ADAMTS17: variants seen among roughly 807,000 people sequenced by gnomAD.
The protein encoded by ADAMTS17 is A disintegrin and metalloproteinase with thrombospondin motifs 17.
Under a neutral mutation model 141.5 loss-of-function variants are expected in ADAMTS17, and 113 were observed. The ratio of observed to expected loss-of-function variants is 0.80; its 90% CI spans 0.69 to 0.93. The LOEUF is 0.93. ADAMTS17 is among the 40% of genes least tolerant of loss of function. The probability of loss-of-function intolerance (pLI) is 0.00; values close to 1 mark genes in which losing one functional copy is unlikely to be tolerated. For synonymous variants in ADAMTS17, 768 were observed against 630.6 expected (o/e 1.22, Z -3.27); for missense variants, 1,659 against 1,517.9 (o/e 1.09, Z -1.54).
chr15:100,102,938 G>T (rs921414445), intron 14 of ADAMTS17, among the ~76,000 whole-genome samples: 1 of 152,260 alleles, frequency 6.6e-6, no homozygotes, highest in African/African-American at 2.4e-5. Flanking sequence ...CTCTCGGTTT[G>T]GGCTGTCTTT....
At chr15:100,079,678 C>G (rs10152483) in intron 15 of ADAMTS17, among the ~76,000 whole-genome samples, 23,721 of 152,100 alleles carry the variant, frequency 0.16, 3,592 homozygotes, top group African/African-American at 0.4. Context: ...ATCATGGAAA[C>G]GGCAGTGGTT....
At chr15:100,198,990 A>G (rs1181848838) in intron 8 of ADAMTS17, among the ~76,000 whole-genome samples, 1 of 152,260 alleles carries the variant, frequency 6.6e-6, no homozygotes, top group Non-Finnish European at 1.5e-5. Flanking sequence ...TGAATAATAG[A>G]CTTAGAGTGA....
chr15:100,289,032 A>G (rs1369861206), intron 3 of ADAMTS17, among the ~76,000 whole-genome samples: 4 of 152,142 alleles, frequency 2.6e-5, no homozygotes, highest in African/African-American at 7.2e-5. Context: ...TTGAGACATG[A>G]AAAACAAAAG....
At chr15:100,152,975 A>AAAAGAATACGTGCCTGGG (rs200941441) in intron 9 of ADAMTS17, among the ~76,000 whole-genome samples, 1 of 151,258 alleles carries the variant, frequency 6.6e-6, no homozygotes, top group Non-Finnish European at 1.5e-5. Flanking sequence ...TTCGCTCTGA[A>AAAAGAATACGTGCCTGGG]GGTAGTAAGA....
intron 2 of ADAMTS17, among the ~76,000 whole-genome samples, chr15:100,338,848 G>A (rs563239605): frequency 6.6e-6 from 1 of 152,282 alleles, no homozygotes; most frequent in South Asian, 2.1e-4. Context: ...CCTGAACTGA[G>A]AACCAAAGTC....
At chr15:100,133,168 A>C (rs1567229427) in intron 11 of ADAMTS17, 46 bp downstream of exon 11, 2 of 1,520,572 alleles carry the variant, frequency 1.3e-6, no homozygotes, top group Non-Finnish European at 1.8e-6. Context: ...AGTTGCCTGC[A>C]AGATGTGGAG....
intron 20 of ADAMTS17, among the ~76,000 whole-genome samples, chr15:99,977,713 G>C (rs555315279): frequency 3.3e-5 from 5 of 152,002 alleles, no homozygotes; most frequent in African/African-American, 1.2e-4. Context: ...ACCGTGCCTG[G>C]TGTCTCTTCA....
chr15:100,267,464 G>A (rs1422792632), intron 4 of ADAMTS17, among the ~76,000 whole-genome samples: 1 of 152,070 alleles, frequency 6.6e-6, no homozygotes, highest in Non-Finnish European at 1.5e-5. Context: ...CCTCTTCCAG[G>A]CTCTGCTTTT....
intron 18 of ADAMTS17, among the ~76,000 whole-genome samples, chr15:100,019,832 A>C (rs2141439174): frequency 6.6e-6 from 1 of 152,314 alleles, no homozygotes; most frequent in East Asian, 1.9e-4. Context: ...CCTAAGCTCC[A>C]ACAGCCAGAT....
At chr15:100,067,491 C>A (rs892135195) in intron 15 of ADAMTS17, among the ~76,000 whole-genome samples, 23 of 152,204 alleles carry the variant, frequency 1.5e-4, no homozygotes, top group Non-Finnish European at 2.9e-4. Flanking sequence ...CCTTTAACGT[C>A]TAAGAACTAT....
chr15:99,998,152 C>T (rs896686336), intron 18 of ADAMTS17, among the ~76,000 whole-genome samples: 1 of 152,186 alleles, frequency 6.6e-6, no homozygotes, highest in Admixed American at 6.5e-5. Flanking sequence ...AAGAACCCCC[C>T]AGCCCACACC....
chr15:100,206,179 G>A (rs1292644882), intron 7 of ADAMTS17, among the ~76,000 whole-genome samples: 4 of 152,190 alleles, frequency 2.6e-5, no homozygotes, highest in East Asian at 1.9e-4. Context: ...AGACCTCTGG[G>A]CCTCTGCATG....
chr15:100,051,203 C>T (rs554650462), intron 17 of ADAMTS17, among the ~76,000 whole-genome samples: 9 of 152,190 alleles, frequency 5.9e-5, no homozygotes, highest in East Asian at 5.8e-4. Flanking sequence ...AATTTGGGAG[C>T]GGGCAGAGAC....
chr15:100,104,954 C>T (rs1429547089), intron 14 of ADAMTS17, among the ~76,000 whole-genome samples: 2 of 152,214 alleles, frequency 1.3e-5, no homozygotes, highest in Admixed American at 1.3e-4. Flanking sequence ...TCATTAACTA[C>T]GACTAACAAT....
At chr15:100,090,932 C>T (rs543544634) in intron 15 of ADAMTS17, among the ~76,000 whole-genome samples, 5 of 145,436 alleles carry the variant, frequency 3.4e-5, no homozygotes, top group East Asian at 2.2e-4. Context: ...AGCTTGAACC[C>T]GGGAGGCGGA....
chr15:100,130,350 T>G (rs1596510473), intron 12 of ADAMTS17, among the ~76,000 whole-genome samples: 3 of 142,150 alleles, frequency 2.1e-5, no homozygotes, highest in Admixed American at 7.2e-5. Flanking sequence ...GGGGACAGAG[T>G]GAGGCTCCAT....
At chr15:100,090,612 C>G (rs904560257) in intron 15 of ADAMTS17, among the ~76,000 whole-genome samples, 1 of 152,204 alleles carries the variant, frequency 6.6e-6, no homozygotes, top group Admixed American at 6.5e-5. Context: ...AGGGCGGACT[C>G]GGTACCCAAG....
chr15:100,203,522 G>A (rs1036741388), intron 7 of ADAMTS17, among the ~76,000 whole-genome samples: 4 of 152,156 alleles, frequency 2.6e-5, no homozygotes, highest in African/African-American at 4.8e-5. Flanking sequence ...TGGCTAACAT[G>A]GTGAAACCCC....
At chr15:100,266,295 T>A (rs1402931492) in intron 4 of ADAMTS17, among the ~76,000 whole-genome samples, 1 of 152,178 alleles carries the variant, frequency 6.6e-6, no homozygotes, top group South Asian at 2.1e-4. Context: ...AATCACATGA[T>A]GTACACACAA....
Sources: allele counts gnomAD v4.1 joint callset (sites outside exome capture counted in the v4.1 genomes callset), GRCh38; gene constraint gnomAD v4.1.1; transcripts MANE v1.5; gene names NCBI Gene and HGNC (gene_info 2026-07-23, HGNC 2026-07-21).